Variants in OPHN1 observed in about 807,000 individuals in gnomAD.
OPHN1 encodes oligophrenin 1, also known as oligophrenin-1.
Under a neutral mutation model 60.7 loss-of-function variants are expected in OPHN1, and 11 were observed. That is an observed-to-expected ratio of 0.18 (90% confidence interval 0.11 to 0.30). The LOEUF is 0.30. Among genes scored for constraint, OPHN1 ranks in the 10% least tolerant of loss-of-function variants. The pLI is 1.00. For missense variants in OPHN1, 449 were observed against 611.0 expected (o/e 0.73, Z 2.80); for synonymous variants, 226 against 222.6 (o/e 1.02, Z -0.14).
Position 68,433,279 on chromosome X carries a change from G to A in OPHN1, c.-116C>T. 2.7e-6 allele frequency: 1 copy of A among 374,762 alleles called. No individual in the cohort carries two copies. The highest frequency in any genetic ancestry group is 2.5e-5 in the African/African-American group (1 of 40,076). The allele number at this position is 374,762 out of a possible 1,213,427, so 30.9% of individuals were successfully genotyped here. A position where few individuals can be genotyped will look rare whatever the true frequency, so the allele number is the denominator to read the frequency against. On this transcript the variant is annotated 5_prime_UTR_variant, in exon 1 of 25. Coordinates refer to ENST00000355520, the MANE Select transcript of OPHN1 (RefSeq NM_002547.3). ...AACTATCGCAGTCGGATCCCGGCAGGGTGCTGCCTAGCAAGCAGCATGTCC... is the reference window on the plus strand; with the variant it reads ...AACTATCGCAGTCGGATCCCGGCAGAGTGCTGCCTAGCAAGCAGCATGTCC...
At chrX:68,128,632 G>T (rs887991721) in intron 15 of OPHN1, among the ~76,000 whole-genome samples, 2 of 111,775 alleles carry the variant, frequency 1.8e-5, no homozygotes, top group African/African-American at 6.5e-5. Flanking sequence ...ACTAAATATT[G>T]CATGTTGTCA....
intron 2 of OPHN1, among the ~76,000 whole-genome samples, chrX:68,432,177 A>T (rs1346698112): frequency 9.0e-6 from 1 of 110,896 alleles, no homozygotes; most frequent in African/African-American, 3.3e-5. Flanking sequence ...CCCCAACCCT[A>T]TCCCTATTTT....
intron 3 of OPHN1, among the ~76,000 whole-genome samples, chrX:68,297,690 T>C (rs1484073455): frequency 9.0e-6 from 1 of 111,643 alleles, no homozygotes; most frequent in African/African-American, 3.3e-5. Flanking sequence ...CAACATTTCA[T>C]TGAACATCTA....
chrX:68,070,998 A>T (rs2076931884), intron 20 of OPHN1: 37 of 1,144,093 alleles, frequency 3.2e-5, no homozygotes, highest in Non-Finnish European at 4.2e-5. Context: ...CTCCCTCTTC[A>T]TCAAACAGAG....
chrX:68,259,942 G>A (rs900135309), intron 5 of OPHN1, among the ~76,000 whole-genome samples: 5 of 111,799 alleles, frequency 4.5e-5, no homozygotes, highest in Non-Finnish European at 7.5e-5. Context: ...GAAGAAACAC[G>A]GATTGCTGGT....
chrX:68,134,675 G>C (rs1299423208), intron 15 of OPHN1, among the ~76,000 whole-genome samples: 4 of 110,126 alleles, frequency 3.6e-5, no homozygotes, highest in African/African-American at 1.3e-4. Context: ...CTGGGCCTGG[G>C]CCTGGGCCAG....
Position 68,432,873 on chromosome X carries a change from T to G in OPHN1, c.148A>C (p.Met50Leu), listed in dbSNP as rs367993068. 6.6e-6 allele frequency: 8 copies of G among 1,210,550 alleles called. No homozygotes were observed. The African/African-American group carries it at 1.0e-4, about 16-fold the overall frequency. The change falls in exon 2 of 25, where the codon ATG (methionine) becomes CTG (leucine). Residue 50 changes from methionine to leucine, a missense_variant. By Grantham distance (15) the Met-to-Leu change is conservative. Coordinates refer to ENST00000355520, the MANE Select transcript of OPHN1 (RefSeq NM_002547.3). ...IKDGNALISAMRNYSSAVQKF... is the reference protein window; with the variant it reads ...IKDGNALISALRNYSSAVQKF... ...ATCGAAGCCTTGCACTTACTTCTCA[T>G]AGCGCTGATAAGCGCGTTGCCGTCT...
At chrX:68,363,981 G>A (rs758116167) in intron 2 of OPHN1, among the ~76,000 whole-genome samples, 38 of 111,819 alleles carry the variant, frequency 3.4e-4, no homozygotes, top group Non-Finnish European at 5.3e-4. Flanking sequence ...TAAAATATGT[G>A]TGAACTGAAA....
chrX:68,324,057 T>C (rs2078247356), intron 2 of OPHN1, among the ~76,000 whole-genome samples: 1 of 111,521 alleles, frequency 9.0e-6, no homozygotes, highest in Admixed American at 9.6e-5. Context: ...AAGTCCAGAG[T>C]GTCCCTATAG....
intron 5 of OPHN1, among the ~76,000 whole-genome samples, chrX:68,240,650 G>C (rs2077776387): frequency 9.0e-6 from 1 of 110,864 alleles, no homozygotes; most frequent in Admixed American, 9.6e-5. Flanking sequence ...AGTCTACCTT[G>C]TTAATCCTTT....
intron 18 of OPHN1, among the ~76,000 whole-genome samples, chrX:68,108,254 G>T (rs1047530360): frequency 9.0e-6 from 1 of 111,642 alleles, no homozygotes; most frequent in South Asian, 3.8e-4. Context: ...GACTAACTTT[G>T]TATTTTCCTT....
intron 5 of OPHN1, among the ~76,000 whole-genome samples, chrX:68,254,141 C>T (rs1361423045): frequency 9.0e-6 from 1 of 111,428 alleles, no homozygotes; most frequent in Non-Finnish European, 1.9e-5. Flanking sequence ...GACCTGCTCA[C>T]TGTGGAACAG....
chrX:68,297,814 TAATAA>T (rs1300865316), intron 3 of OPHN1, among the ~76,000 whole-genome samples: 1 of 110,953 alleles, frequency 9.0e-6, no homozygotes, highest in African/African-American at 3.3e-5. Context: ...AAAATGCTTA[TAATAA>T]AATATTTGGT....
intron 5 of OPHN1, among the ~76,000 whole-genome samples, chrX:68,254,953 G>A (rs2077854420): frequency 1.9e-5 from 2 of 104,347 alleles, no homozygotes; most frequent in Admixed American, 1.0e-4. Flanking sequence ...CTGGAAGGCA[G>A]AGGTTGCAGT....
rs2076826011 is a variant in OPHN1 at position 68,044,425 on chromosome X, C to T, written c.*2747G>A. The T allele has an allele frequency of 8.9e-6, 1 of 112,877 alleles. No individual in the cohort carries two copies. Among genetic ancestry groups the T allele is most frequent in the Non-Finnish European group, 1.9e-5 (1 of 53,408 alleles). 9.3% of individuals were successfully genotyped at this position (112,877 alleles called of 1,213,427 possible). On this transcript the variant is annotated 3_prime_UTR_variant, in exon 25 of 25. Transcript: ENST00000355520. ...ACTTGCATGAATATGAAACACTGAG[C>T]AGTTAATAAATACGTGCTTAATAAA...
At chrX:68,149,200 T>A (rs5918818) in intron 15 of OPHN1, among the ~76,000 whole-genome samples, 51,833 of 110,507 alleles carry the variant, frequency 0.47, 10,482 homozygotes, top group South Asian at 0.71. Flanking sequence ...CTTTCATAAT[T>A]CAACCAACCA....
intron 15 of OPHN1, among the ~76,000 whole-genome samples, chrX:68,144,773 A>G (rs2077257045): frequency 1.8e-5 from 2 of 111,891 alleles, no homozygotes; most frequent in African/African-American, 6.5e-5. Context: ...AACTCAACAC[A>G]AATTTATTGA....
chrX:68,416,060 A>ATG (rs2147781842), intron 2 of OPHN1, among the ~76,000 whole-genome samples: 1 of 5,524 alleles, frequency 1.8e-4, no homozygotes, highest in African/African-American at 2.7e-4. Flanking sequence ...ATATATATAT[A>ATG]TATATATAGA....
At chrX:68,270,735 T>A (rs1384608457) in intron 5 of OPHN1, among the ~76,000 whole-genome samples, 1 of 108,623 alleles carries the variant, frequency 9.2e-6, no homozygotes, top group Admixed American at 9.7e-5. Flanking sequence ...ACTTAAATTA[T>A]AATAATAATT....
Sources: allele counts gnomAD v4.1 joint callset (sites outside exome capture counted in the v4.1 genomes callset), GRCh38; gene constraint gnomAD v4.1.1; transcripts MANE v1.5; gene names NCBI Gene and HGNC (gene_info 2026-07-23, HGNC 2026-07-21).